Variants in ADAM11 observed in about 807,000 individuals in gnomAD.
ADAM11 encodes ADAM metallopeptidase domain 11, also known as disintegrin and metalloproteinase domain-containing protein 11.
Under a neutral mutation model 119.1 loss-of-function variants are expected in ADAM11, and 49 were observed. The ratio of observed to expected loss-of-function variants is 0.41; its 90% CI spans 0.33 to 0.52. ADAM11 has a LOEUF of 0.52. ADAM11 is among the 20% of genes least tolerant of loss of function. The probability of loss-of-function intolerance (pLI) is 0.20; values close to 1 mark genes in which losing one functional copy is unlikely to be tolerated. For missense variants in ADAM11, 777 were observed against 1,047.5 expected, an observed-to-expected ratio of 0.74 and a Z score of 3.56; for synonymous variants, 364 against 408.0, an observed-to-expected ratio of 0.89 and a Z score of 1.30.
intron 2 of ADAM11, among the ~76,000 whole-genome samples, chr17:44,769,390 T>C (rs2049489360): frequency 6.6e-6 from 1 of 152,198 alleles, no homozygotes; most frequent in Non-Finnish European, 1.5e-5. Flanking sequence ...GAGGGCATAA[T>C]GAGGCAGAGG....
chr17:44,769,868 G>C (rs1235582661), intron 3 of ADAM11, 74 bp downstream of exon 3: 1 of 1,603,082 alleles, frequency 6.2e-7, no homozygotes, highest in Admixed American at 1.7e-5. Context: ...CTGGCTGCTG[G>C]GGGTCTGGGG....
chr17:44,776,962 G>T lies in ADAM11; in HGVS notation c.1681G>T (p.Ala561Ser), dbSNP rs779719959. Reference protein sequence around the residue: ...DRQCQVLWGHAAADRFCYEKL... With the variant: ...DRQCQVLWGHSAADRFCYEKL... ...GCAGTGCCAGGTTCTTTGGGGCCAT[G>T]GTGAGTCTGGCTAGGGCTGGGAGTG... The change falls in exon 20 of 27, where the codon GCG becomes TCG. Residue 561 changes from alanine (A) to serine (S), a missense_variant and splice_region_variant. Ala to Ser is a moderately conservative substitution (Grantham distance 99). This residue lies in a region of ADAM11 where 348 missense variants were observed against 486.7 expected (regional missense o/e 0.72). Transcript: ENST00000200557. The surrounding 1 kb of genome is among the most constrained non-coding windows in gnomAD (Gnocchi z 5.2). 2 of 1,612,192 alleles carry T rather than the reference G, an allele frequency of 1.2e-6. No individual in the cohort carries two copies. The highest frequency in any genetic ancestry group is 1.7e-6 in the Non-Finnish European group (2 of 1,178,466).
At chr17:44,760,689 A>AG (rs1340686334) in intron 2 of ADAM11, among the ~76,000 whole-genome samples, 1 of 152,094 alleles carries the variant, frequency 6.6e-6, no homozygotes, top group Non-Finnish European at 1.5e-5. Context: ...CAGGAGGTAT[A>AG]GGGGGGAGAC....
chr17:44,772,101 G>C lies in ADAM11; in HGVS notation c.544-166G>C, dbSNP rs1424224285. Among the ~76,000 whole-genome samples the C allele has an allele frequency of 6.6e-6, 1 of 152,132 alleles. No individual in the cohort carries two copies. On this transcript the variant is annotated intron_variant, in intron 6 of 26. Transcript: ENST00000200557. The surrounding 1 kb of genome is among the most constrained non-coding windows in gnomAD (Gnocchi z 4.5). ...GTCTCTCAGGGTGCCCCCAGGTCTT[G>C]ACCCCGGAATCTGAGCATCTGGGAG...
intron 2 of ADAM11, among the ~76,000 whole-genome samples, chr17:44,761,932 A>C (rs1390123509): frequency 6.6e-6 from 1 of 151,810 alleles, no homozygotes; most frequent in Non-Finnish European, 1.5e-5. Context: ...AAGCAATTCT[A>C]CTGCCTCAGC....
intron 1 of ADAM11, 47 bp from the exon 2 acceptor site, chr17:44,759,675 T>C (rs763761900): frequency 1.4e-5 from 18 of 1,312,474 alleles, no homozygotes; most frequent in Admixed American, 6.1e-5. Flanking sequence ...CCAAGTCTTC[T>C]GCCCCAGGGT....
chr17:44,771,101 C>T (rs1319628628), intron 4 of ADAM11, among the ~76,000 whole-genome samples: 4 of 151,754 alleles, frequency 2.6e-5, no homozygotes, highest in Admixed American at 6.6e-5. Flanking sequence ...GCAACAAGAG[C>T]GAAACTCCGT....
rs1328165111 is a variant in ADAM11, at chr17:44,772,512, CAG to C, written c.678+52_678+53del. 3 of 1,544,478 alleles carry C rather than the reference CAG, an allele frequency of 1.9e-6. No homozygotes were observed. The highest frequency in any genetic ancestry group is 2.0e-5 in the Admixed American group (1 of 51,086). Reference sequence around the variant, plus strand: ...CTCGGGCTGCAGAGACCTCGGGCTGCAGAGAGACCTCAGGCCGTGGCCCAGAG... The same window carrying C: ...CTCGGGCTGCAGAGACCTCGGGCTGCAGAGACCTCAGGCCGTGGCCCAGAG... On this transcript the variant is annotated intron_variant, in intron 8 of 26. Transcript: ENST00000200557. The surrounding 1 kb of genome is among the most constrained non-coding windows in gnomAD (Gnocchi z 4.5).
Position 44,775,511 on chromosome 17 carries a change from T to C in ADAM11, c.1392+46T>C. 6.3e-7 allele frequency: 1 copy of C among 1,581,924 alleles called. No individual in the cohort carries two copies. Among genetic ancestry groups the C allele is most frequent in the Non-Finnish European group, 8.6e-7 (1 of 1,167,986 alleles). Reference sequence around the variant, plus strand: ...CAGGTGGGGAACCGGGATGCGGGGGTGGGCACGAGGGAGCGTCTGAGTGGG... The same window carrying C: ...CAGGTGGGGAACCGGGATGCGGGGGCGGGCACGAGGGAGCGTCTGAGTGGG... On this transcript the variant is annotated intron_variant, in intron 16 of 26. Coordinates refer to ENST00000200557, the MANE Select transcript of ADAM11 (RefSeq NM_002390.6). The surrounding 1 kb of genome is among the most constrained non-coding windows in gnomAD (Gnocchi z 7.5).
Position 44,780,744 on chromosome 17 carries a change from G to C in ADAM11, c.*990G>C, listed in dbSNP as rs1487519230. On this transcript the variant is annotated 3_prime_UTR_variant, in exon 27 of 27. Coordinates refer to ENST00000200557, the MANE Select transcript of ADAM11 (RefSeq NM_002390.6). Reference sequence around the variant, plus strand: ...GCCAGAGGTGGCCCAGTGCCTGGAGGGTTAGGGTCTCTGCCTGGGATATGC... The same window carrying C: ...GCCAGAGGTGGCCCAGTGCCTGGAGCGTTAGGGTCTCTGCCTGGGATATGC... The C allele has an allele frequency of 6.3e-6, 1 of 157,556 alleles. No individual in the cohort carries two copies. The highest frequency in any genetic ancestry group is 1.4e-5 in the Non-Finnish European group (1 of 71,986). 9.8% of individuals were successfully genotyped at this position (157,556 alleles called of 1,614,324 possible). A position where few individuals can be genotyped will look rare whatever the true frequency, so the allele number is the denominator to read the frequency against.
intron 4 of ADAM11, 22 bp downstream of exon 4, chr17:44,770,070 C>T (rs55882072): frequency 1.2e-5 from 19 of 1,612,868 alleles, no homozygotes; most frequent in Admixed American, 3.3e-5. Flanking sequence ...TGCAGGGGAC[C>T]GGGGCCGGGG....
Position 44,772,061 on chromosome 17 carries a change from A to G in ADAM11, c.544-206A>G, listed in dbSNP as rs1009517701. 6.6e-6 allele frequency among the ~76,000 whole-genome samples: 1 copy of G among 151,790 alleles called. No individual in the cohort carries two copies. The highest frequency in any genetic ancestry group is 1.5e-5 in the Non-Finnish European group (1 of 67,882). ...ATAAGTGACCTCCCATTGGGCTCCA[A>G]TGTCCTTTGCCCCTGTCTCTCAGGG... On this transcript the variant is annotated intron_variant, in intron 6 of 26. Transcript: ENST00000200557. The surrounding 1 kb of genome is among the most constrained non-coding windows in gnomAD (Gnocchi z 4.5).
chr17:44,777,399 G>C lies in ADAM11; in HGVS notation c.1782-83G>C, dbSNP rs1213823221. The C allele has an allele frequency of 6.5e-7, 1 of 1,541,690 alleles. No individual in the cohort carries two copies. Among genetic ancestry groups the C allele is most frequent in the African/African-American group, 1.4e-5 (1 of 73,516 alleles). ...GGGCACGTGGCAAATGAGGTGGCAG[G>C]GTGCAGGGTGAGGGCAGATTAGAGT... On this transcript the variant is annotated intron_variant, in intron 21 of 26. Transcript: ENST00000200557. The surrounding 1 kb of genome is among the most constrained non-coding windows in gnomAD (Gnocchi z 5.1).
chr17:44,764,276 G>A (rs567371201), intron 2 of ADAM11, among the ~76,000 whole-genome samples: 4 of 152,192 alleles, frequency 2.6e-5, no homozygotes, highest in Non-Finnish European at 4.4e-5. Context: ...AGCCCTCCAC[G>A]GTGGGTGTGT....
Position 44,775,386 on chromosome 17 carries a change from C to G in ADAM11, c.1321-8C>G, listed in dbSNP as rs1468278159. On this transcript the variant is annotated splice_polypyrimidine_tract_variant and splice_region_variant and intron_variant, in intron 15 of 26. Coordinates refer to ENST00000200557, the MANE Select transcript of ADAM11 (RefSeq NM_002390.6). The surrounding 1 kb of genome is among the most constrained non-coding windows in gnomAD (Gnocchi z 7.5). ...GGGCCAGACTCCCGACCTGTCCTCC[C>G]GGTCCAGCTCCTGGACCCCCCAGAG... 4 of 1,612,582 alleles carry G rather than the reference C, an allele frequency of 2.5e-6. 1 individual carries two copies. In the East Asian group the frequency reaches 8.9e-5, roughly 36 times the overall value.
intron 2 of ADAM11, among the ~76,000 whole-genome samples, chr17:44,765,716 G>A (rs1023084860): frequency 6.9e-6 from 1 of 145,086 alleles, no homozygotes; most frequent in Admixed American, 7.2e-5. Flanking sequence ...CGCCTCCCGG[G>A]TTCAAGCAAT....
rs1383665681 is a variant in ADAM11 at position 44,773,186 on chromosome 17, A to C, written c.826-75A>C. 6 of 1,590,562 alleles carry C rather than the reference A, an allele frequency of 3.8e-6. No individual in the cohort carries two copies. Among genetic ancestry groups the C allele is most frequent in the Non-Finnish European group, 5.2e-6 (6 of 1,163,264 alleles). Reference sequence around the variant, plus strand: ...AGCCCCTGGCTCCCACTTCCTGGAGAGAACAGACAGGCCCTCCTCCAGCCC... The same window carrying C: ...AGCCCCTGGCTCCCACTTCCTGGAGCGAACAGACAGGCCCTCCTCCAGCCC... On this transcript the variant is annotated intron_variant, in intron 10 of 26. Coordinates refer to ENST00000200557, the MANE Select transcript of ADAM11 (RefSeq NM_002390.6). The surrounding 1 kb of genome is among the most constrained non-coding windows in gnomAD (Gnocchi z 4.6).
chr17:44,778,713 A>AGAAAAAAAAAAAAG (rs1567696437), intron 25 of ADAM11, among the ~76,000 whole-genome samples: 1 of 80,426 alleles, frequency 1.2e-5, no homozygotes, highest in Admixed American at 1.8e-4. Context: ...AAAAAAAAAA[A>AGAAAAAAAAAAAAG]GAAAGAAAGA....
chr17:44,769,956 C>A (rs764990784), intron 3 of ADAM11, 26 bp from the exon 4 acceptor site: 1 of 1,613,898 alleles, frequency 6.2e-7, no homozygotes, highest in Admixed American at 1.7e-5. Flanking sequence ...CCGTGACCCC[C>A]CTTCCTGCTG....
Sources: allele counts gnomAD v4.1 joint callset (sites outside exome capture counted in the v4.1 genomes callset), GRCh38; gene constraint gnomAD v4.1.1; regional missense constraint gnomAD v4.1.1; non-coding constraint Gnocchi (gnomAD v3.1); transcripts MANE v1.5; gene names NCBI Gene and HGNC (gene_info 2026-07-23, HGNC 2026-07-21).